RUFY3: variants seen among roughly 807,000 people sequenced by gnomAD.
RUFY3 encodes protein RUFY3.
A neutral mutation model predicts 84.0 loss-of-function variants in RUFY3; 34 were observed. That is an observed-to-expected ratio of 0.40 (90% CI 0.31 to 0.54). RUFY3 has a LOEUF of 0.54. Among genes scored for constraint, RUFY3 ranks in the 20% least tolerant of loss-of-function variants. The probability of loss-of-function intolerance (pLI) is 0.39; values close to 1 mark genes in which losing one functional copy is unlikely to be tolerated. For synonymous variants in RUFY3, 242 were observed against 252.9 expected (o/e 0.96, Z 0.41); for missense variants, 507 against 736.8 (o/e 0.69, Z 3.61).
intron 1 of RUFY3, among the ~76,000 whole-genome samples, chr4:70,745,848 G>T (rs1722116666): frequency 1.3e-5 from 2 of 152,152 alleles, no homozygotes; most frequent in African/African-American, 4.8e-5. Context: ...TACTTTGCGG[G>T]GCCGAGGCAG....
chr4:70,799,978 G>T, intron 14 of RUFY3, 163 bp from the exon 15 acceptor site: 1 of 590,870 alleles, frequency 1.7e-6, no homozygotes, highest in Non-Finnish European at 3.0e-6. Context: ...AAACTACTTA[G>T]AGCAAAGAAT....
chr4:70,792,287 G>A, intron 12 of RUFY3: 1 of 982,698 alleles, frequency 1.0e-6, no homozygotes, highest in Non-Finnish European at 1.2e-6. Context: ...TGTTCAGATG[G>A]GGATTTGCTA....
intron 4 of RUFY3, among the ~76,000 whole-genome samples, chr4:70,765,298 G>A (rs1026040324): frequency 1.2e-4 from 18 of 150,952 alleles, no homozygotes; most frequent in Admixed American, 2.0e-4. Context: ...TATTTTATCC[G>A]TCTTTATTAT....
chr4:70,727,912 C>G (rs1274890802), intron 1 of RUFY3, among the ~76,000 whole-genome samples: 1 of 151,916 alleles, frequency 6.6e-6, no homozygotes, highest in Non-Finnish European at 1.5e-5. Flanking sequence ...ACAACAAAAC[C>G]AACTATAGCT....
chr4:70,733,155 AG>A (rs1560464258), intron 1 of RUFY3, among the ~76,000 whole-genome samples: 40 of 148,510 alleles, frequency 2.7e-4, no homozygotes, highest in African/African-American at 9.5e-4. Context: ...AGAGAGAGAG[AG>A]AGAGAGAGAG....
At chr4:70,754,322 G>GCC (rs1723629466) in intron 1 of RUFY3, among the ~76,000 whole-genome samples, 3 of 152,068 alleles carry the variant, frequency 2.0e-5, no homozygotes, top group African/African-American at 7.2e-5. Flanking sequence ...CAAAGTGCTG[G>GCC]GATTACAGGT....
At chr4:70,784,748 G>A (rs1452909353) in intron 9 of RUFY3, 48 bp from the exon 10 acceptor site, 11 of 1,339,616 alleles carry the variant, frequency 8.2e-6, no homozygotes, top group Non-Finnish European at 1.1e-5. Context: ...GTCTAATTCT[G>A]TATAGATTAA....
chr4:70,768,756 A>G (rs1161206953), intron 5 of RUFY3, 95 bp downstream of exon 5: 1 of 1,116,828 alleles, frequency 9.0e-7, no homozygotes, highest in South Asian at 1.7e-5. Context: ...ATTAGGCCAT[A>G]TTCTATGAGT....
intron 12 of RUFY3, chr4:70,791,176 C>T: frequency 6.7e-7 from 1 of 1,482,472 alleles, no homozygotes; most frequent in Non-Finnish European, 9.4e-7. Flanking sequence ...TCCTGTTTAT[C>T]CATTTTCTCA....
chr4:70,750,077 G>A (rs926419519), intron 1 of RUFY3, among the ~76,000 whole-genome samples: 1 of 150,470 alleles, frequency 6.6e-6, no homozygotes, highest in Non-Finnish European at 1.5e-5. Flanking sequence ...CATAGCTCTC[G>A]TAGCTCTCTG....
chr4:70,792,227 C>T (rs747606073), intron 12 of RUFY3: 92 of 985,242 alleles, frequency 9.3e-5, no homozygotes, highest in Middle Eastern at 1.0e-3. Flanking sequence ...TTCTGCCTGG[C>T]CTGTCATTTC....
At chr4:70,748,535 T>C (rs370685464) in intron 1 of RUFY3, among the ~76,000 whole-genome samples, 9 of 152,238 alleles carry the variant, frequency 5.9e-5, no homozygotes, top group African/African-American at 2.2e-4. Flanking sequence ...GTCTGAGGTT[T>C]ACCTGCTTTA....
chr4:70,775,303 G>T (rs146319982), intron 7 of RUFY3, 70 bp downstream of exon 7: 3 of 1,038,134 alleles, frequency 2.9e-6, no homozygotes, highest in Non-Finnish European at 4.4e-6. Flanking sequence ...AAGATGATGC[G>T]CAGTGAGGAT....
chr4:70,746,410 G>A (rs557809556), intron 1 of RUFY3, among the ~76,000 whole-genome samples: 1 of 151,450 alleles, frequency 6.6e-6, no homozygotes, highest in Admixed American at 6.6e-5. Flanking sequence ...AGAAGGCTGA[G>A]GCAAGAAAAT....
In RUFY3 at chr4:70,802,981, C is replaced by T; in HGVS notation, c.1648C>T (p.Gln550Ter). Reference sequence around the variant, plus strand: ...GCTGCAACCCCACCCTATGGATGAACAGGTAACAGAGCCTCCTGTTTCAAA... The same window carrying T: ...GCTGCAACCCCACCCTATGGATGAATAGGTAACAGAGCCTCCTGTTTCAAA... ...HRLQPHPMDE[Q>*]DQLLLSEKPQ... The change falls in exon 16 of 18, where the codon CAG (glutamine) becomes TAG (stop). Residue 550 changes from glutamine (Q) to a stop codon, truncating the protein, a stop_gained and splice_region_variant. Transcript: ENST00000381006. LOFTEE classifies it high-confidence loss of function. The T allele has an allele frequency of 6.2e-7, 1 of 1,608,006 alleles. No homozygotes were observed. Among genetic ancestry groups the T allele is most frequent in the Non-Finnish European group, 8.5e-7 (1 of 1,176,720 alleles).
chr4:70,785,318 A>G (rs1729602457), intron 10 of RUFY3, among the ~76,000 whole-genome samples: 2 of 152,224 alleles, frequency 1.3e-5, no homozygotes, highest in Admixed American at 1.3e-4. Context: ...TGGAAAATTT[A>G]TCATCCAGTA....
chr4:70,774,555 C>G (rs1727506785), intron 6 of RUFY3, among the ~76,000 whole-genome samples: 1 of 124,044 alleles, frequency 8.1e-6, no homozygotes, highest in Non-Finnish European at 1.6e-5. Context: ...GTGGAGGTTG[C>G]AGTGAGCCGA....
chr4:70,784,461 C>T (rs1174820078), intron 9 of RUFY3, among the ~76,000 whole-genome samples: 4 of 151,394 alleles, frequency 2.6e-5, no homozygotes, highest in Admixed American at 6.6e-5. Flanking sequence ...CCAGCCTGGG[C>T]GACAGAGTGA....
chr4:70,704,994 G>A, exon 1 of RUFY3: 3 of 1,225,874 alleles, frequency 2.4e-6, no homozygotes, highest in Non-Finnish European at 3.0e-6. Flanking sequence ...CGAGGAGCCG[G>A]CGAGGGGCGG....
Sources: gnomAD v4.1 joint callset for allele counts (sites outside exome capture counted in the v4.1 genomes callset) on GRCh38, gnomAD v4.1.1 for gene constraint, MANE v1.5 for transcripts, NCBI Gene and HGNC (gene_info 2026-07-23, HGNC 2026-07-21) for gene names.